NTN1: variants seen among roughly 807,000 people sequenced by gnomAD.
The protein encoded by NTN1 is netrin 1, also known as netrin-1.
In NTN1, 11 loss-of-function variants were observed where a neutral mutation model predicts 54.2. That is an observed-to-expected ratio of 0.20 (90% CI 0.13 to 0.34). The LOEUF (loss-of-function observed/expected upper bound fraction) is 0.34, where lower values mean the gene tolerates loss of function less well. NTN1 is among the 10% of genes least tolerant of loss of function. The pLI is 1.00. For synonymous variants in NTN1, 371 were observed against 382.0 expected (o/e 0.97, Z 0.33); for missense variants, 740 against 893.1 (o/e 0.83, Z 2.18).
chr17:9,059,151 A>G (rs1312816512), intron 2 of NTN1, among the ~76,000 whole-genome samples: 1 of 152,140 alleles, frequency 6.6e-6, no homozygotes, highest in African/African-American at 2.4e-5. Flanking sequence ...GCACATGCTG[A>G]ATCCTGGGTT....
intron 5 of NTN1, among the ~76,000 whole-genome samples, chr17:9,191,941 C>T (rs1342624898): frequency 6.1e-5 from 9 of 147,274 alleles, no homozygotes; most frequent in Middle Eastern, 3.6e-3. Context: ...CGCCACTGCA[C>T]GGCAGCGTGG....
chr17:9,031,935 T>C (rs2091889504), intron 2 of NTN1, among the ~76,000 whole-genome samples: 2 of 151,620 alleles, frequency 1.3e-5, no homozygotes, highest in African/African-American at 4.8e-5. Flanking sequence ...CACTCCAGCC[T>C]GGGTGATAGA....
intron 3 of NTN1, among the ~76,000 whole-genome samples, chr17:9,172,474 G>T (rs58636012): frequency 6.6e-6 from 1 of 151,244 alleles, no homozygotes; most frequent in African/African-American, 2.4e-5. Context: ...GCGAGACTCC[G>T]TCTCAAAAAA....
At chr17:9,030,752 AAG>A (rs1428773091) in intron 2 of NTN1, among the ~76,000 whole-genome samples, 1 of 152,182 alleles carries the variant, frequency 6.6e-6, no homozygotes, top group African/African-American at 2.4e-5. Flanking sequence ...AAAAAAAGAA[AAG>A]AAAAAAAAAA....
intron 2 of NTN1, among the ~76,000 whole-genome samples, chr17:9,075,497 AAAAC>A (rs1053729383): frequency 6.6e-5 from 10 of 152,162 alleles, no homozygotes; most frequent in Non-Finnish European, 8.8e-5. Flanking sequence ...AAACAAAAAC[AAAAC>A]AAACAAACAA....
intron 2 of NTN1, among the ~76,000 whole-genome samples, chr17:9,126,441 C>T (rs1394171896): frequency 4.0e-5 from 6 of 151,180 alleles, no homozygotes; most frequent in African/African-American, 1.5e-4. Flanking sequence ...ACCTGGGAGG[C>T]GGAGGTTGCG....
intron 2 of NTN1, 62 bp downstream of exon 2, chr17:9,023,453 C>G (rs1402148032): frequency 5.2e-6 from 7 of 1,334,258 alleles, no homozygotes; most frequent in Middle Eastern, 2.7e-4. Context: ...GCTGCTGGGC[C>G]TCGCAGCGGC....
intron 2 of NTN1, among the ~76,000 whole-genome samples, chr17:9,093,002 C>T (rs2092117877): frequency 6.6e-6 from 1 of 152,206 alleles, no homozygotes; most frequent in Admixed American, 6.5e-5. Flanking sequence ...TTGTGATCCG[C>T]CCGCCTCGGC....
intron 2 of NTN1, among the ~76,000 whole-genome samples, chr17:9,152,795 A>AT (rs2092331285): frequency 6.6e-6 from 1 of 152,096 alleles, no homozygotes; most frequent in African/African-American, 2.4e-5. Context: ...AGATGTCTTC[A>AT]TTTTTCAGAT....
chr17:9,221,080 A>G lies in NTN1; in HGVS notation c.1412-88A>G. On this transcript the variant is annotated intron_variant, in intron 5 of 6. Transcript: ENST00000173229. This position sits in a 1 kb window ranked among gnomAD's most constrained non-coding sequence, Gnocchi z 4.5. ...GGGTATCACAGGCCTCTGGCTATTT[A>G]GGGAGGCGGCCTCCTACTCTGCCCG... 1 of 959,132 alleles carries G rather than the reference A, an allele frequency of 1.0e-6. No individual in the cohort carries two copies. 59.4% of individuals were successfully genotyped at this position (959,132 alleles called of 1,614,324 possible). A position where few individuals can be genotyped will look rare whatever the true frequency, so the allele number is the denominator to read the frequency against.
Position 9,185,263 on chromosome 17 carries a change from G to A in NTN1, c.1411+2294G>A, listed in dbSNP as rs551107837. 5.9e-5 allele frequency among the ~76,000 whole-genome samples: 9 copies of A among 152,288 alleles called. No homozygotes were observed. In the East Asian group the frequency reaches 9.6e-4, roughly 16 times the overall value. On this transcript the variant is annotated intron_variant, in intron 5 of 6. Coordinates refer to ENST00000173229, the MANE Select transcript of NTN1 (RefSeq NM_004822.3). ...GAGGCTGGGTATGCCTTGTCTCAGC[G>A]TCTGAGACATTGCAGGCAGGAGGCC...
chr17:9,022,253 G>T (rs1429585501), intron 1 of NTN1, 58 bp from the exon 2 acceptor site: 7 of 1,128,676 alleles, frequency 6.2e-6, no homozygotes, highest in Non-Finnish European at 7.8e-6. Flanking sequence ...TCGCCACCCC[G>T]CCGAGAGCTG....
At chr17:9,161,216 C>T (rs572325578) in intron 2 of NTN1, among the ~76,000 whole-genome samples, 1 of 152,174 alleles carries the variant, frequency 6.6e-6, no homozygotes, top group African/African-American at 2.4e-5. Context: ...TGGGAAGTAA[C>T]ATTGGAACCA....
intron 2 of NTN1, among the ~76,000 whole-genome samples, chr17:9,121,677 C>T (rs2092232139): frequency 6.6e-6 from 1 of 152,188 alleles, no homozygotes; most frequent in Non-Finnish European, 1.5e-5. Flanking sequence ...CCCACCGGGT[C>T]AGCTGGTCAG....
chr17:9,056,179 C>T lies in NTN1; in HGVS notation c.1018+32788C>T, dbSNP rs1383741868. Among the ~76,000 whole-genome samples the T allele has an allele frequency of 2.0e-5, 3 of 152,234 alleles. No homozygotes were observed. The East Asian group carries it at 5.8e-4, about 29-fold the overall frequency. ...TCAAGCAATTCTCCTGCCTCAGCCT[C>T]CCGAGTAGCTGGGATTACAGGCATG... On this transcript the variant is annotated intron_variant, in intron 2 of 6. Coordinates refer to ENST00000173229, the MANE Select transcript of NTN1 (RefSeq NM_004822.3).
rs72453627 is a variant in NTN1, at chr17:9,227,460, TCA to T, written c.1486+6225_1486+6226del. Among the ~76,000 whole-genome samples, 765 of 139,166 alleles carry T rather than the reference TCA, an allele frequency of 5.5e-3. 3 individuals carry two copies. The highest frequency in any genetic ancestry group is 0.02 in the East Asian group (94 of 4,666). The allele number at this position is 139,166 out of a possible 152,430, so 91.3% of individuals were successfully genotyped here. A position where few individuals can be genotyped will look rare whatever the true frequency, so the allele number is the denominator to read the frequency against. On this transcript the variant is annotated intron_variant, in intron 6 of 6. Transcript: ENST00000173229. ...CACCACACATCAGATACACAGACTG[TCA>T]CACACAGTCACACACATAGCACACA...
At chr17:9,042,692 C>T (rs2091926628) in intron 2 of NTN1, among the ~76,000 whole-genome samples, 1 of 151,228 alleles carries the variant, frequency 6.6e-6, no homozygotes, top group African/African-American at 2.4e-5. Context: ...GAGGCTGAGG[C>T]AGAAGAATCA....
intron 2 of NTN1, among the ~76,000 whole-genome samples, chr17:9,043,078 T>C (rs2091927826): frequency 6.6e-6 from 1 of 152,228 alleles, no homozygotes; most frequent in Non-Finnish European, 1.5e-5. Flanking sequence ...AATCTGGTAA[T>C]TTGTTTTTTT....
chr17:9,005,691 T>C, the NTN1 span, among the ~76,000 whole-genome samples: 1 of 152,174 alleles, frequency 6.6e-6, no homozygotes, highest in African/African-American at 2.4e-5. Flanking sequence ...CTTTTCGGTG[T>C]CCTCCCAGAC....
Sources: gnomAD v4.1 joint callset for allele counts (sites outside exome capture counted in the v4.1 genomes callset) on GRCh38, gnomAD v4.1.1 for gene constraint, Gnocchi (gnomAD v3.1) non-coding constraint, MANE v1.5 for transcripts, NCBI Gene and HGNC (gene_info 2026-07-23, HGNC 2026-07-21) for gene names.